Variants in L3MBTL4 observed in about 807,000 individuals in gnomAD.
L3MBTL4 encodes L3MBTL histone methyl-lysine binding protein 4.
Under a neutral mutation model 84.5 loss-of-function variants are expected in L3MBTL4, and 70 were observed. The observed-to-expected ratio is 0.83, with a 90% confidence interval of 0.68 to 1.01. The LOEUF is 1.01. L3MBTL4 is among the 50% of genes least tolerant of loss of function. The probability of loss-of-function intolerance (pLI) is 0.00; values close to 1 mark genes in which losing one functional copy is unlikely to be tolerated. For missense variants in L3MBTL4, 715 were observed against 754.8 expected, an observed-to-expected ratio of 0.95 and a Z score of 0.62; for synonymous variants, 274 against 259.8, an observed-to-expected ratio of 1.05 and a Z score of -0.52.
intron 14 of L3MBTL4, among the ~76,000 whole-genome samples, chr18:6,110,644 T>C (rs1161065304): frequency 1.3e-5 from 2 of 151,470 alleles, no homozygotes; most frequent in African/African-American, 2.4e-5. Context: ...CACATGTGTA[T>C]GTGTGTGGTG....
At chr18:6,028,412 A>G (rs188032352) in intron 16 of L3MBTL4, among the ~76,000 whole-genome samples, 4 of 152,196 alleles carry the variant, frequency 2.6e-5, no homozygotes, top group South Asian at 2.1e-4. Context: ...TTTTGGTAAC[A>G]GTACCATGCT....
intron 16 of L3MBTL4, among the ~76,000 whole-genome samples, chr18:5,984,662 A>C (rs1284712301): frequency 6.6e-6 from 1 of 152,098 alleles, no homozygotes; most frequent in Non-Finnish European, 1.5e-5. Context: ...ACCTTGATAC[A>C]TTATTTCTAT....
chr18:6,326,722 T>A (rs78256525), intron 1 of L3MBTL4: 2 of 152,198 alleles, frequency 1.3e-5, no homozygotes, highest in South Asian at 2.1e-4. Context: ...TCCAACTGCA[T>A]GGCTACAATG....
intron 16 of L3MBTL4, among the ~76,000 whole-genome samples, chr18:6,004,541 G>A (rs1045447676): frequency 6.6e-6 from 1 of 152,090 alleles, no homozygotes; most frequent in African/African-American, 2.4e-5. Flanking sequence ...AAATAGAAAA[G>A]GAAGAAGGAG....
chr18:6,141,963 T>G (rs1309273289), intron 13 of L3MBTL4, among the ~76,000 whole-genome samples: 1 of 152,222 alleles, frequency 6.6e-6, no homozygotes, highest in African/African-American at 2.4e-5. Flanking sequence ...CATGCTGGCC[T>G]TCTCCTATTC....
At chr18:6,158,286 G>GA (rs2043181193) in intron 13 of L3MBTL4, among the ~76,000 whole-genome samples, 1 of 152,124 alleles carries the variant, frequency 6.6e-6, no homozygotes, top group Non-Finnish European at 1.5e-5. Context: ...GTGGTCAAAT[G>GA]AAAAATAATA....
intron 13 of L3MBTL4, among the ~76,000 whole-genome samples, chr18:6,167,209 C>T (rs1461354217): frequency 6.6e-6 from 1 of 152,040 alleles, no homozygotes; most frequent in Non-Finnish European, 1.5e-5. Flanking sequence ...AAAAAGAGTC[C>T]AGGACAAGAT....
At chr18:6,061,024 GA>G (rs1268423723) in intron 16 of L3MBTL4, among the ~76,000 whole-genome samples, 1 of 152,094 alleles carries the variant, frequency 6.6e-6, no homozygotes, top group Non-Finnish European at 1.5e-5. Flanking sequence ...TAAATGCCTA[GA>G]AATGTGATTG....
chr18:6,150,275 CA>C (rs112472063), intron 13 of L3MBTL4, among the ~76,000 whole-genome samples: 56 of 152,080 alleles, frequency 3.7e-4, no homozygotes, highest in African/African-American at 1.3e-3. Flanking sequence ...ATCATTTTTC[CA>C]ATAACCTGAA....
chr18:6,096,959 C>T (rs540581848), intron 14 of L3MBTL4, among the ~76,000 whole-genome samples: 1 of 152,278 alleles, frequency 6.6e-6, no homozygotes, highest in East Asian at 1.9e-4. Flanking sequence ...TGCTGGAGTC[C>T]TGGCTCTTTT....
intron 10 of L3MBTL4, among the ~76,000 whole-genome samples, chr18:6,231,554 C>G (rs1356542465): frequency 6.6e-6 from 1 of 151,894 alleles, no homozygotes; most frequent in Non-Finnish European, 1.5e-5. Context: ...ACATGGCTTT[C>G]CACTCATTTG....
At chr18:6,349,193 T>C (rs978745017) in intron 1 of L3MBTL4, among the ~76,000 whole-genome samples, 1 of 152,224 alleles carries the variant, frequency 6.6e-6, no homozygotes, top group Non-Finnish European at 1.5e-5. Flanking sequence ...ATTCTACTCC[T>C]AGCTGTTAAC....
chr18:6,028,232 G>A (rs1400022779), intron 16 of L3MBTL4, among the ~76,000 whole-genome samples: 3 of 152,166 alleles, frequency 2.0e-5, no homozygotes, highest in Admixed American at 2.0e-4. Flanking sequence ...TGTAAGGAAG[G>A]GGTCCAGTTT....
intron 10 of L3MBTL4, among the ~76,000 whole-genome samples, chr18:6,236,525 GAGA>G (rs886832623): frequency 4.6e-5 from 7 of 152,206 alleles, no homozygotes; most frequent in Non-Finnish European, 8.8e-5. Context: ...GCTGGAAGCA[GAGA>G]AGAAGATATT....
intron 16 of L3MBTL4, among the ~76,000 whole-genome samples, chr18:6,071,678 A>C (rs1302084188): frequency 2.5e-5 from 2 of 79,906 alleles, no homozygotes; most frequent in Admixed American, 1.3e-4. Context: ...GGAAAAAAAG[A>C]AAGAGAGAAA....
chr18:6,206,534 A>G (rs1045844280), intron 12 of L3MBTL4, among the ~76,000 whole-genome samples: 2 of 152,142 alleles, frequency 1.3e-5, no homozygotes, highest in African/African-American at 4.8e-5. Context: ...GTAGGCGCCA[A>G]TTCATCACCA....
At chr18:5,962,513 G>GGCACT (rs945685204) in intron 17 of L3MBTL4, among the ~76,000 whole-genome samples, 5 of 152,150 alleles carry the variant, frequency 3.3e-5, no homozygotes, top group African/African-American at 1.2e-4. Flanking sequence ...ACAGCAGCGG[G>GGCACT]GAGCCCTGAG....
At chr18:6,283,655 T>A (rs2049423578) in intron 4 of L3MBTL4, among the ~76,000 whole-genome samples, 1 of 152,182 alleles carries the variant, frequency 6.6e-6, no homozygotes, top group Non-Finnish European at 1.5e-5. Flanking sequence ...TTTATTAGTA[T>A]CTCCCTAGAG....
intron 7 of L3MBTL4, among the ~76,000 whole-genome samples, chr18:6,242,884 G>T (rs144918379): frequency 6.6e-6 from 1 of 152,050 alleles, no homozygotes; most frequent in South Asian, 2.1e-4. Context: ...TTTGTTTTCC[G>T]TGATTCCTAA....
Sources: allele counts gnomAD v4.1 joint callset (sites outside exome capture counted in the v4.1 genomes callset), GRCh38; gene constraint gnomAD v4.1.1; transcripts MANE v1.5; gene names NCBI Gene and HGNC (gene_info 2026-07-23, HGNC 2026-07-21).